Variants in SLC9A1 observed in about 807,000 individuals in gnomAD.
SLC9A1 encodes solute carrier family 9 member A1.
In SLC9A1, 22 loss-of-function variants were observed where a neutral mutation model predicts 67.9. The observed-to-expected ratio is 0.32, with a 90% CI of 0.23 to 0.46. The LOEUF (loss-of-function observed/expected upper bound fraction) is 0.46. SLC9A1 is among the 20% of genes least tolerant of loss of function. The pLI is 1.00. For synonymous variants in SLC9A1, 421 were observed against 471.8 expected (o/e 0.89, Z 1.40); for missense variants, 686 against 1,094.8 (o/e 0.63, Z 5.27).
Position 27,113,811 on chromosome 1 carries a change from C to A in SLC9A1, c.813+15G>T. 2.5e-6 allele frequency: 4 copies of A among 1,598,682 alleles called. 1 individual carries two copies. The highest frequency in any genetic ancestry group is 1.1e-5 in the South Asian group (1 of 89,460). ...TGTACCGTTTGGACATGGGCATGGC[C>A]CCTGGCCTCCTCACCACAGTGACGG... On this transcript the variant is annotated intron_variant, in intron 2 of 11. Coordinates refer to ENST00000263980, the MANE Select transcript of SLC9A1 (RefSeq NM_003047.5).
At chr1:27,116,648 G>T (rs996222368) in intron 1 of SLC9A1, among the ~76,000 whole-genome samples, 11 of 152,144 alleles carry the variant, frequency 7.2e-5, no homozygotes, top group African/African-American at 2.7e-4. Context: ...CCCAGTCTTT[G>T]TACTGTCCAC....
intron 1 of SLC9A1, among the ~76,000 whole-genome samples, chr1:27,148,529 T>C (rs558802746): frequency 6.6e-6 from 1 of 152,152 alleles, no homozygotes; most frequent in Non-Finnish European, 1.5e-5. Flanking sequence ...AGGAGAGAGT[T>C]TGGCCTTGAG....
At chr1:27,113,163 A>G (rs983862041) in intron 2 of SLC9A1, among the ~76,000 whole-genome samples, 12 of 152,096 alleles carry the variant, frequency 7.9e-5, no homozygotes, top group African/African-American at 2.7e-4. Context: ...GCTCACATCA[A>G]AATGCAAGAG....
chr1:27,145,014 A>G (rs2083476021), intron 1 of SLC9A1, among the ~76,000 whole-genome samples: 1 of 149,290 alleles, frequency 6.7e-6, no homozygotes, highest in Admixed American at 6.9e-5. Flanking sequence ...TCGCCACTGC[A>G]CTCTGGCACT....
chr1:27,131,181 G>T (rs1277105593), intron 1 of SLC9A1, among the ~76,000 whole-genome samples: 1 of 152,240 alleles, frequency 6.6e-6, no homozygotes, highest in Non-Finnish European at 1.5e-5. Context: ...GGCAGGACAA[G>T]GAGGGTCAAG....
chr1:27,105,491 T>C (rs1018207532), intron 5 of SLC9A1: 2 of 554,826 alleles, frequency 3.6e-6, no homozygotes, highest in Admixed American at 6.2e-5. Context: ...AGAGACGGGG[T>C]TTCACCATGT....
chr1:27,134,671 C>T (rs544415438), intron 1 of SLC9A1, among the ~76,000 whole-genome samples: 3 of 152,160 alleles, frequency 2.0e-5, no homozygotes, highest in East Asian at 3.9e-4. Flanking sequence ...CTCTTGATGC[C>T]GATAAGGAAA....
rs2083148358 is a variant in SLC9A1, at chr1:27,101,906, G to A, written c.1936-80C>T. 1.7e-5 allele frequency: 24 copies of A among 1,429,396 alleles called. No homozygotes were observed. The highest frequency in any genetic ancestry group is 2.3e-5 in the Non-Finnish European group (23 of 1,017,430). 88.5% of individuals were successfully genotyped at this position (1,429,396 alleles called of 1,614,324 possible). A position where few individuals can be genotyped will look rare whatever the true frequency, so the allele number is the denominator to read the frequency against. ...AGGGGTGGGGGCAGTGCTGGAGGCC[G>A]GGCCAGTCCTGGGGTGGGTGCCGAG... On this transcript the variant is annotated intron_variant, in intron 9 of 11. Coordinates refer to ENST00000263980, the MANE Select transcript of SLC9A1 (RefSeq NM_003047.5). This position sits in a 1 kb window ranked among gnomAD's most constrained non-coding sequence, Gnocchi z 4.9.
At chr1:27,128,147 G>A (rs2083358277) in intron 1 of SLC9A1, among the ~76,000 whole-genome samples, 3 of 152,178 alleles carry the variant, frequency 2.0e-5, no homozygotes, top group Admixed American at 2.0e-4. Flanking sequence ...AGGCAGCAGC[G>A]GGCAGCGTAA....
At chr1:27,141,839 C>A (rs1185660861) in intron 1 of SLC9A1, among the ~76,000 whole-genome samples, 2 of 152,226 alleles carry the variant, frequency 1.3e-5, no homozygotes, top group African/African-American at 4.8e-5. Flanking sequence ...GTACAGCATC[C>A]AGATTCCTGT....
In SLC9A1 at chr1:27,106,969, A is replaced by G. The variant is rs2083189220; in HGVS notation, c.1282+679T>C. ...AGAGACCACAGCCTTGCTGTGACAC[A>G]GGCTTCTCCCTGCTGAAGGGCCCAT... On this transcript the variant is annotated intron_variant, in intron 4 of 11. Transcript: ENST00000263980. This position sits in a 1 kb window ranked among gnomAD's most constrained non-coding sequence, Gnocchi z 4.3. Among the ~76,000 whole-genome samples the G allele has an allele frequency of 1.3e-5, 2 of 151,824 alleles. No homozygotes were observed. Among genetic ancestry groups the G allele is most frequent in the South Asian group, 2.1e-4 (1 of 4,820 alleles).
At chr1:27,103,360 G>A (rs2083161429) in intron 5 of SLC9A1, 48 bp from the exon 6 acceptor site, 1 of 1,376,900 alleles carries the variant, frequency 7.3e-7, no homozygotes, top group Non-Finnish European at 1.0e-6. Flanking sequence ...TACCCAGGCA[G>A]GGAGGCCACA....
chr1:27,100,527 C>G lies in SLC9A1; in HGVS notation c.2228G>C (p.Gly743Ala). ...CACCTTTGCAGGATCCCGGCTCAAC[C>G]CTAAGACTTTGCCCTTCAGCTCTTC... ...VNEELKGKVL[G>A]LSRDPAKVAE... The change falls in exon 12 of 12, where the codon GGG becomes GCG. Residue 743 changes from glycine (G) to alanine (A), a missense_variant. This residue lies in a region of SLC9A1 where 226 missense variants were observed against 282.4 expected (regional missense o/e 0.80). Coordinates refer to ENST00000263980, the MANE Select transcript of SLC9A1 (RefSeq NM_003047.5). This position sits in a 1 kb window ranked among gnomAD's most constrained non-coding sequence, Gnocchi z 5.6. 6.2e-7 allele frequency: 1 copy of G among 1,614,128 alleles called. No homozygotes were observed. The highest frequency in any genetic ancestry group is 8.5e-7 in the Non-Finnish European group (1 of 1,179,964).
chr1:27,125,237 C>CT (rs71010327), intron 1 of SLC9A1, among the ~76,000 whole-genome samples: 69,258 of 86,840 alleles, frequency 0.8, 30,064 homozygotes, highest in East Asian at 0.91. Flanking sequence ...CCTTTTCTTT[C>CT]TTTTTTTTTT....
intron 1 of SLC9A1, among the ~76,000 whole-genome samples, chr1:27,115,752 GA>G (rs2083268520): frequency 6.6e-6 from 1 of 151,574 alleles, no homozygotes; most frequent in Admixed American, 6.6e-5. Flanking sequence ...AAAAAAGAAA[GA>G]AGAAAGCAAA....
rs2083138306 is a variant in SLC9A1 at position 27,100,932 on chromosome 1, C to T, written c.2110+271G>A. Reference sequence around the variant, plus strand: ...TGGGGCCCTGCCCTCACGTTCCCCACACGTGTTGGGGGTCTCGATGGGGCA... The same window carrying T: ...TGGGGCCCTGCCCTCACGTTCCCCATACGTGTTGGGGGTCTCGATGGGGCA... On this transcript the variant is annotated intron_variant, in intron 11 of 11. Coordinates refer to ENST00000263980, the MANE Select transcript of SLC9A1 (RefSeq NM_003047.5). The surrounding 1 kb of genome is among the most constrained non-coding windows in gnomAD (Gnocchi z 5.6). Among the ~76,000 whole-genome samples the T allele has an allele frequency of 6.6e-6, 1 of 152,230 alleles. No individual in the cohort carries two copies. Among genetic ancestry groups the T allele is most frequent in the African/African-American group, 2.4e-5 (1 of 41,476 alleles).
intron 1 of SLC9A1, among the ~76,000 whole-genome samples, chr1:27,125,302 G>A (rs1357921073): frequency 1.7e-5 from 2 of 120,998 alleles, no homozygotes; most frequent in Admixed American, 1.1e-4. Context: ...CTGGAGTGCA[G>A]TGGCGCAATC....
intron 1 of SLC9A1, among the ~76,000 whole-genome samples, chr1:27,140,692 A>C (rs950088642): frequency 2.0e-5 from 3 of 152,144 alleles, no homozygotes; most frequent in Admixed American, 6.6e-5. Flanking sequence ...TAAAACCATC[A>C]TCTGTTCTGC....
chr1:27,133,588 C>T (rs979078713), intron 1 of SLC9A1, among the ~76,000 whole-genome samples: 1 of 151,968 alleles, frequency 6.6e-6, no homozygotes, highest in South Asian at 2.1e-4. Context: ...GGAACTGAGG[C>T]CCAGGTTTAG....
Sources: allele counts gnomAD v4.1 joint callset (sites outside exome capture counted in the v4.1 genomes callset), GRCh38; gene constraint gnomAD v4.1.1; regional missense constraint gnomAD v4.1.1; non-coding constraint Gnocchi (gnomAD v3.1); transcripts MANE v1.5; gene names NCBI Gene and HGNC (gene_info 2026-07-23, HGNC 2026-07-21).